SH3GL2: variants seen among roughly 807,000 people sequenced by gnomAD.
SH3GL2 encodes the protein endophilin-A1.
SH3GL2 carries 24 observed loss-of-function variants against 46.0 expected under a neutral mutation model. The observed-to-expected ratio is 0.52, with a 90% CI of 0.38 to 0.73. SH3GL2 has a LOEUF of 0.73. Ranked by LOEUF, SH3GL2 falls within the 30% of genes least tolerant of loss-of-function variation. The probability of loss-of-function intolerance (pLI) is 0.00; values close to 1 mark genes in which losing one functional copy is unlikely to be tolerated. For missense variants in SH3GL2, 413 were observed against 424.2 expected, an observed-to-expected ratio of 0.97 and a Z score of 0.23; for synonymous variants, 196 against 147.1, an observed-to-expected ratio of 1.33 and a Z score of -2.40.
At chr9:17,712,795 TAATC>T (rs1194241512) in intron 1 of SH3GL2, among the ~76,000 whole-genome samples, 2 of 151,884 alleles carry the variant, frequency 1.3e-5, no homozygotes, top group South Asian at 2.1e-4. Flanking sequence ...TAGAATCAGT[TAATC>T]AATCTGTTGG....
At chr9:17,733,254 T>C (rs1034896556) in intron 1 of SH3GL2, among the ~76,000 whole-genome samples, 4 of 151,986 alleles carry the variant, frequency 2.6e-5, no homozygotes, top group African/African-American at 9.7e-5. Flanking sequence ...CATTCTCTTT[T>C]TTTAAATTTT....
At chr9:17,688,368 G>T (rs1182196107) in intron 1 of SH3GL2, among the ~76,000 whole-genome samples, 1 of 152,098 alleles carries the variant, frequency 6.6e-6, no homozygotes, top group Non-Finnish European at 1.5e-5. Flanking sequence ...TGGAAAATGG[G>T]TGAAAGGAGA....
intron 7 of SH3GL2, among the ~76,000 whole-genome samples, 158 bp from the exon 8 acceptor site, chr9:17,793,209 A>G (rs919967893): frequency 6.6e-6 from 1 of 152,234 alleles, no homozygotes; most frequent in African/African-American, 2.4e-5. Context: ...TCTCAGACAT[A>G]TACATACAAG....
intron 1 of SH3GL2, among the ~76,000 whole-genome samples, chr9:17,695,136 C>T (rs565214780): frequency 6.6e-6 from 1 of 152,320 alleles, no homozygotes; most frequent in South Asian, 2.1e-4. Context: ...TCATCCCATT[C>T]TGTCCCCTGG....
At chr9:17,638,242 A>C (rs1398167345) in intron 1 of SH3GL2, among the ~76,000 whole-genome samples, 1 of 152,112 alleles carries the variant, frequency 6.6e-6, no homozygotes, top group Non-Finnish European at 1.5e-5. Context: ...TTAAAAATTT[A>C]TCATTTCTCA....
rs923931687 is a variant in SH3GL2, at chr9:17,667,046, C to G, written c.46-80020C>G. ...CATGTGATAAATACAATTTTTAGAT[C>G]TTCATTTGTGAATTGTCTGTGTCTT... On this transcript the variant is annotated intron_variant, in intron 1 of 8. Transcript: ENST00000380607. Among the ~76,000 whole-genome samples the G allele has an allele frequency of 4.6e-5, 7 of 152,118 alleles. No individual in the cohort carries two copies. The East Asian group carries it at 1.4e-3, about 29-fold the overall frequency.
At chr9:17,785,509 G>T (rs1823930901) in intron 3 of SH3GL2, among the ~76,000 whole-genome samples, 1 of 152,150 alleles carries the variant, frequency 6.6e-6, no homozygotes, top group Non-Finnish European at 1.5e-5. Context: ...CTTAAGCTGT[G>T]ATTCTATCTG....
intron 1 of SH3GL2, among the ~76,000 whole-genome samples, chr9:17,603,058 G>A (rs1238408704): frequency 6.6e-6 from 1 of 152,214 alleles, no homozygotes; most frequent in African/African-American, 2.4e-5. Flanking sequence ...CTGTGGGACT[G>A]ATTCTGAGGA....
At chr9:17,746,562 C>T (rs113224893) in intron 1 of SH3GL2, among the ~76,000 whole-genome samples, 2 of 152,298 alleles carry the variant, frequency 1.3e-5, no homozygotes, top group African/African-American at 2.4e-5. Flanking sequence ...CTATACTATA[C>T]AAGTACTTTT....
intron 3 of SH3GL2, among the ~76,000 whole-genome samples, chr9:17,768,165 A>G (rs916610542): frequency 4.6e-5 from 7 of 151,970 alleles, no homozygotes; most frequent in Non-Finnish European, 7.4e-5. Flanking sequence ...AGATCAGGGG[A>G]TAGAGACCAT....
chr9:17,723,950 G>A (rs1338821355), intron 1 of SH3GL2, among the ~76,000 whole-genome samples: 1 of 152,096 alleles, frequency 6.6e-6, no homozygotes, highest in Non-Finnish European at 1.5e-5. Flanking sequence ...ACGTTTTGAA[G>A]TGTCTGGTGT....
chr9:17,668,572 T>G lies in SH3GL2; in HGVS notation c.46-78494T>G, dbSNP rs578160068. 2.5e-4 allele frequency among the ~76,000 whole-genome samples: 38 copies of G among 152,354 alleles called. No individual in the cohort carries two copies. In the South Asian group the frequency reaches 7.2e-3, roughly 29 times the overall value. ...GCTAAAGAAAGTTTTTTCCTACACTTAAGTTATGGGGGAATTCACCCATGT... is the reference window on the plus strand; with the variant it reads ...GCTAAAGAAAGTTTTTTCCTACACTGAAGTTATGGGGGAATTCACCCATGT... On this transcript the variant is annotated intron_variant, in intron 1 of 8. Transcript: ENST00000380607.
At chr9:17,780,641 C>G (rs1198404446) in intron 3 of SH3GL2, among the ~76,000 whole-genome samples, 1 of 111,480 alleles carries the variant, frequency 9.0e-6, no homozygotes, top group Non-Finnish European at 1.8e-5. Context: ...TCCCCCGACC[C>G]CACCATAGTC....
At chr9:17,743,690 A>T (rs113304899) in intron 1 of SH3GL2, among the ~76,000 whole-genome samples, 2,575 of 152,218 alleles carry the variant, frequency 0.017, 72 homozygotes, top group African/African-American at 0.058. Context: ...GTGGGATCCA[A>T]GTATCTCATT....
At chr9:17,709,689 A>G (rs920659164) in intron 1 of SH3GL2, among the ~76,000 whole-genome samples, 5 of 141,428 alleles carry the variant, frequency 3.5e-5, no homozygotes, top group Non-Finnish European at 1.5e-5. Flanking sequence ...TTACACACAC[A>G]CACACACACA....
At chr9:17,729,994 G>A (rs766544131) in intron 1 of SH3GL2, among the ~76,000 whole-genome samples, 3 of 151,988 alleles carry the variant, frequency 2.0e-5, no homozygotes, top group Non-Finnish European at 4.4e-5. Flanking sequence ...CTAATTCTGT[G>A]AAGAAAGTCA....
chr9:17,792,029 C>T (rs9406733), intron 7 of SH3GL2, among the ~76,000 whole-genome samples: 13,869 of 152,144 alleles, frequency 0.091, 1,188 homozygotes, highest in African/African-American at 0.23. Flanking sequence ...CCAGATTAAA[C>T]AGGATGATTT....
chr9:17,626,948 C>A (rs1247189831), intron 1 of SH3GL2, among the ~76,000 whole-genome samples: 1 of 152,140 alleles, frequency 6.6e-6, no homozygotes, highest in African/African-American at 2.4e-5. Context: ...ATTACTGGTT[C>A]CCTGAGCAGG....
intron 1 of SH3GL2, among the ~76,000 whole-genome samples, chr9:17,691,098 A>G (rs1157168386): frequency 1.3e-5 from 2 of 152,182 alleles, no homozygotes; most frequent in Non-Finnish European, 2.9e-5. Context: ...GCTAGGGTAA[A>G]GTTAATGATG....
Sources: gnomAD v4.1 joint callset for allele counts (sites outside exome capture counted in the v4.1 genomes callset) on GRCh38, gnomAD v4.1.1 for gene constraint, MANE v1.5 for transcripts, NCBI Gene and HGNC (gene_info 2026-07-23, HGNC 2026-07-21) for gene names.